Variants in UCK2 observed in about 807,000 individuals in gnomAD.
UCK2 encodes cytidine monophosphokinase 2.
In UCK2, 6 loss-of-function variants were observed where a neutral mutation model predicts 30.8. The observed-to-expected ratio is 0.19, with a 90% CI of 0.11 to 0.38. The LOEUF (loss-of-function observed/expected upper bound fraction) is 0.38. UCK2 is among the 10% of genes least tolerant of loss of function. The pLI is 1.00. For missense variants in UCK2, 210 were observed against 339.8 expected (o/e 0.62, Z 3.00); for synonymous variants, 125 against 133.6 (o/e 0.94, Z 0.45).
chr1:165,829,640 ATTG>A (rs1471667691), intron 1 of UCK2, among the ~76,000 whole-genome samples: 1 of 152,160 alleles, frequency 6.6e-6, no homozygotes, highest in Non-Finnish European at 1.5e-5. Context: ...TAACTCTGTT[ATTG>A]TTCTTCTTGT....
At chr1:165,900,056 T>C (rs1172936278) in intron 4 of UCK2, 1 of 152,330 alleles carries the variant, frequency 6.6e-6, no homozygotes, top group African/African-American at 2.4e-5. Flanking sequence ...TTGTCCTATG[T>C]GCTTGTGTCC....
chr1:165,904,881 C>T (rs1557851091), intron 5 of UCK2, among the ~76,000 whole-genome samples: 1 of 151,932 alleles, frequency 6.6e-6, no homozygotes, highest in Non-Finnish European at 1.5e-5. Flanking sequence ...TTTGGACCAA[C>T]AAAAAAGAAA....
intron 1 of UCK2, among the ~76,000 whole-genome samples, chr1:165,835,534 T>A (rs1654166475): frequency 6.6e-6 from 1 of 152,102 alleles, no homozygotes; most frequent in South Asian, 2.1e-4. Flanking sequence ...TTTTTTTCAT[T>A]ATAAATAAAG....
intron 1 of UCK2, among the ~76,000 whole-genome samples, chr1:165,848,430 G>A (rs1399924205): frequency 2.0e-5 from 3 of 152,172 alleles, no homozygotes; most frequent in Non-Finnish European, 2.9e-5. Flanking sequence ...CCAGGAGTTC[G>A]ACACCAGCCT....
intron 1 of UCK2, among the ~76,000 whole-genome samples, chr1:165,889,628 C>T (rs899718387): frequency 6.7e-6 from 1 of 150,180 alleles, no homozygotes; most frequent in African/African-American, 2.4e-5. Context: ...GAGGAAGGAA[C>T]TTTGGGGATC....
chr1:165,877,372 T>A (rs995234667), intron 1 of UCK2, among the ~76,000 whole-genome samples: 1 of 152,220 alleles, frequency 6.6e-6, no homozygotes, highest in Non-Finnish European at 1.5e-5. Flanking sequence ...TTGACGTTGA[T>A]ACAGTGAAGA....
chr1:165,834,965 T>C (rs1370796917), intron 1 of UCK2, among the ~76,000 whole-genome samples: 1 of 152,204 alleles, frequency 6.6e-6, no homozygotes, highest in Non-Finnish European at 1.5e-5. Context: ...TTTATTTCTT[T>C]ATTCAGCCCA....
chr1:165,829,479 T>C (rs1653988259), intron 1 of UCK2, among the ~76,000 whole-genome samples: 2 of 152,192 alleles, frequency 1.3e-5, no homozygotes, highest in African/African-American at 4.8e-5. Flanking sequence ...TGGCATGTAG[T>C]GGGGTCCAAA....
At chr1:165,874,508 CAAAGGTCTCCATCCCCTGCGTTA>C (rs1473085265) in intron 1 of UCK2, among the ~76,000 whole-genome samples, 4 of 152,100 alleles carry the variant, frequency 2.6e-5, no homozygotes, top group Non-Finnish European at 5.9e-5. Context: ...CCTCCCAAAA[CAAAGGTCTCCATCCCCTGCGTTA>C]AAAGGGATAG....
At chr1:165,860,728 G>A (rs1181445668) in intron 1 of UCK2, among the ~76,000 whole-genome samples, 1 of 152,116 alleles carries the variant, frequency 6.6e-6, no homozygotes, top group Non-Finnish European at 1.5e-5. Context: ...GGGATTACAG[G>A]TGTGAGCCAC....
Position 165,910,189 on chromosome 1 carries a change from G to A in UCK2, c.*2366G>A, listed in dbSNP as rs1193326675. Reference sequence around the variant, plus strand: ...TTTCTGGAACAAGGAAGGGATGGAAGGCTCTACCCCTCCGTGGCAGCCCAG... The same window carrying A: ...TTTCTGGAACAAGGAAGGGATGGAAAGCTCTACCCCTCCGTGGCAGCCCAG... On this transcript the variant is annotated 3_prime_UTR_variant, in exon 7 of 7. Transcript: ENST00000367879. 3 of 152,254 alleles carry A rather than the reference G, an allele frequency of 2.0e-5. No homozygotes were observed. The highest frequency in any genetic ancestry group is 7.2e-5 in the African/African-American group (3 of 41,464). The allele number at this position is 152,254 out of a possible 1,614,324, so 9.4% of individuals were successfully genotyped here.
chr1:165,904,469 C>T (rs569525143), intron 5 of UCK2, among the ~76,000 whole-genome samples: 1 of 152,290 alleles, frequency 6.6e-6, no homozygotes, highest in East Asian at 1.9e-4. Context: ...CTGAGGACCT[C>T]TCCTGTTATT....
At chr1:165,903,536 C>T (rs1214839729) in intron 5 of UCK2, among the ~76,000 whole-genome samples, 1 of 152,078 alleles carries the variant, frequency 6.6e-6, no homozygotes, top group African/African-American at 2.4e-5. Flanking sequence ...CATTTAATTC[C>T]CAGCTAGTTC....
rs185408418 is a variant in UCK2 at position 165,864,239 on chromosome 1, C to T, written c.100-25965C>T. ...CTGGGATTACAGGCATGAGCCACCGCGCCCAGCCGGGTCCTGCCTTATTTT... is the reference window on the plus strand; with the variant it reads ...CTGGGATTACAGGCATGAGCCACCGTGCCCAGCCGGGTCCTGCCTTATTTT... On this transcript the variant is annotated intron_variant, in intron 1 of 6. Transcript: ENST00000367879. Among the ~76,000 whole-genome samples the T allele has an allele frequency of 2.8e-3, 430 of 152,338 alleles. 2 individuals carry two copies. Among genetic ancestry groups the T allele is most frequent in the African/African-American group, 1.0e-2 (415 of 41,578 alleles).
intron 5 of UCK2, among the ~76,000 whole-genome samples, chr1:165,903,764 G>A (rs1488922940): frequency 6.6e-6 from 1 of 152,214 alleles, no homozygotes; most frequent in Non-Finnish European, 1.5e-5. Context: ...TTTGGAGACT[G>A]TCATGCCTTA....
Position 165,896,201 on chromosome 1 carries a change from C to T in UCK2, c.368C>T (p.Thr123Ile). The change falls in exon 4 of 7, where the codon ACA becomes ATA. Residue 123 changes from threonine to isoleucine, a missense_variant. This residue lies in a region of UCK2 where 75 missense variants were observed against 124.7 expected (regional missense o/e 0.60). Coordinates refer to ENST00000367879, the MANE Select transcript of UCK2 (RefSeq NM_012474.5). The part of the protein sequence containing the change: ...DFVSHSRKEE[T>I]VTVYPADVVL... Reference sequence around the variant, plus strand: ...TCTGTGCTTTGCAGGAAGGAGGAGACAGTTACTGTCTATCCCGCAGACGTG... The same window carrying T: ...TCTGTGCTTTGCAGGAAGGAGGAGATAGTTACTGTCTATCCCGCAGACGTG... The T allele has an allele frequency of 6.2e-7, 1 of 1,614,172 alleles. No homozygotes were observed. The highest frequency in any genetic ancestry group is 8.5e-7 in the Non-Finnish European group (1 of 1,180,030).
At chr1:165,892,930 G>A (rs563021632) in intron 3 of UCK2, among the ~76,000 whole-genome samples, 1 of 152,294 alleles carries the variant, frequency 6.6e-6, no homozygotes, top group South Asian at 2.1e-4. Flanking sequence ...GGAGGAATGG[G>A]AGTGGGTGTG....
intron 1 of UCK2, among the ~76,000 whole-genome samples, chr1:165,861,478 A>G (rs1281549895): frequency 2.0e-5 from 3 of 150,826 alleles, no homozygotes; most frequent in African/African-American, 7.3e-5. Context: ...AATACAAAAA[A>G]TTAGCCGGGC....
chr1:165,891,032 A>G, intron 2 of UCK2, 194 bp from the exon 3 acceptor site: 1 of 559,392 alleles, frequency 1.8e-6, no homozygotes. Flanking sequence ...GTCAGAACTC[A>G]TTTATACACC....
Sources: gnomAD v4.1 joint callset for allele counts (sites outside exome capture counted in the v4.1 genomes callset) on GRCh38, gnomAD v4.1.1 for gene constraint, gnomAD v4.1.1 regional missense constraint, MANE v1.5 for transcripts, NCBI Gene and HGNC (gene_info 2026-07-23, HGNC 2026-07-21) for gene names.